SMARCA4: variants seen among roughly 807,000 people sequenced by gnomAD.
SMARCA4 encodes the protein SWI/SNF related BAF chromatin remodeling complex subunit ATPase 4, also known as SWI/SNF-related matrix-associated actin-dependent regulator of chromatin subfamily A member 4.
A neutral mutation model predicts 193.9 loss-of-function variants in SMARCA4; 31 were observed. That is an observed-to-expected ratio of 0.16 (90% CI 0.12 to 0.22). The LOEUF is 0.22. SMARCA4 is among the 10% of genes least tolerant of loss of function. The probability of loss-of-function intolerance (pLI) is 1.00; values close to 1 mark genes in which losing one functional copy is unlikely to be tolerated. For synonymous variants in SMARCA4, 942 were observed against 933.1 expected (o/e 1.01, Z -0.17); for missense variants, 1,148 against 2,296.0 (o/e 0.50, Z 10.22).
At chr19:11,013,222 AT>A in intron 16 of SMARCA4, 110 bp downstream of exon 16, 1 of 1,311,254 alleles carries the variant, frequency 7.6e-7, no homozygotes, top group Non-Finnish European at 1.1e-6. Context: ...AATTACAGAA[AT>A]TTGTTTTCCT....
intron 30 of SMARCA4, among the ~76,000 whole-genome samples, chr19:11,043,008 T>A (rs1241217358): frequency 6.6e-6 from 1 of 151,472 alleles, no homozygotes; most frequent in Non-Finnish European, 1.5e-5. Context: ...AAGGTTCTTT[T>A]AGCCAGATGC....
chr19:10,962,383 G>C (rs1423013358), intron 1 of SMARCA4, among the ~76,000 whole-genome samples: 1 of 152,106 alleles, frequency 6.6e-6, no homozygotes, highest in Non-Finnish European at 1.5e-5. Flanking sequence ...TCTTGGAGGG[G>C]AGCGGGTGGT....
chr19:11,019,380 T>C lies in SMARCA4; in HGVS notation c.2506-211T>C, dbSNP rs2146367986. ...CCTCAGGCCCCGGCCGCCGCTGGCC[T>C]GCACTGCTTCCTCTTCCCCCTGCAG... On this transcript the variant is annotated intron_variant, in intron 17 of 34. Coordinates refer to ENST00000344626, the MANE Select transcript of SMARCA4 (RefSeq NM_003072.5). This position sits in a 1 kb window ranked among gnomAD's most constrained non-coding sequence, Gnocchi z 6.1. The C allele has an allele frequency of 4.9e-6, 3 of 617,184 alleles. No individual in the cohort carries two copies. Among genetic ancestry groups the C allele is most frequent in the Non-Finnish European group, 8.7e-6 (3 of 343,914 alleles). 38.2% of individuals were successfully genotyped at this position (617,184 alleles called of 1,614,324 possible). A position where few individuals can be genotyped will look rare whatever the true frequency, so the allele number is the denominator to read the frequency against.
At chr19:10,974,462 T>C (rs1320388645) in intron 1 of SMARCA4, among the ~76,000 whole-genome samples, 1 of 151,182 alleles carries the variant, frequency 6.6e-6, no homozygotes, top group East Asian at 1.9e-4. Flanking sequence ...GGCTTTTTTT[T>C]TTTTTCTTGG....
chr19:10,996,648 T>G, intron 11 of SMARCA4, 104 bp downstream of exon 11: 1 of 1,101,930 alleles, frequency 9.1e-7, no homozygotes, highest in Non-Finnish European at 1.4e-6. Context: ...AACAATGATA[T>G]GTGATGATGG....
intron 1 of SMARCA4, among the ~76,000 whole-genome samples, chr19:10,963,494 A>G (rs1599770451): frequency 6.6e-6 from 1 of 152,006 alleles, no homozygotes; most frequent in Admixed American, 6.6e-5. Flanking sequence ...CCTGAACCTC[A>G]GTTGTCCTCA....
In SMARCA4 at chr19:11,059,876, G is replaced by A. The variant is rs1568564931; in HGVS notation, c.4759G>A (p.Glu1587Lys). 1 of 1,613,894 alleles carries A rather than the reference G, an allele frequency of 6.2e-7. No homozygotes were observed. Among genetic ancestry groups the A allele is most frequent in the Non-Finnish European group, 8.5e-7 (1 of 1,180,000 alleles). ...GGAAGAGGGCGAGGAGGAAGGCTCC[G>A]AATCCGAATGTGAGTCCCGGGGGGG... is the stretch of plus-strand genomic sequence containing the variant. ...EEEEGEEEGS[E>K]SESRSVKVKI... The change falls in exon 33 of 35, where the codon GAA becomes AAA. Residue 1587 changes from glutamate to lysine, a missense_variant. Transcript: ENST00000344626.
At chr19:10,963,162 C>T (rs1332377084) in intron 1 of SMARCA4, among the ~76,000 whole-genome samples, 1 of 151,698 alleles carries the variant, frequency 6.6e-6, no homozygotes, top group Non-Finnish European at 1.5e-5. Flanking sequence ...TGCTTGAACC[C>T]GGGAGTTTGA....
At position 11,030,246 on chromosome 19, in the gene SMARCA4, TGAGACAGGGCTGAAGGCAGGTGCACC is replaced by T. The variant is rs1162681340; in HGVS notation, c.3383-483_3383-458del. 6.6e-6 allele frequency among the ~76,000 whole-genome samples: 1 copy of T among 152,212 alleles called. No individual in the cohort carries two copies. The highest frequency in any genetic ancestry group is 1.5e-5 in the Non-Finnish European group (1 of 68,040). On this transcript the variant is annotated intron_variant, in intron 24 of 34. Coordinates refer to ENST00000344626, the MANE Select transcript of SMARCA4 (RefSeq NM_003072.5). The surrounding 1 kb of genome is among the most constrained non-coding windows in gnomAD (Gnocchi z 5.5). ...TCTCTTTGTGAACCACAAAACTTTTTGAGACAGGGCTGAAGGCAGGTGCACCCACAGTCACTGTCCACCCACCCCCA... is the reference window on the plus strand; with the variant it reads ...TCTCTTTGTGAACCACAAAACTTTTTCACAGTCACTGTCCACCCACCCCCA...
At chr19:10,979,815 T>C (rs751242452) in intron 1 of SMARCA4, among the ~76,000 whole-genome samples, 17 of 152,110 alleles carry the variant, frequency 1.1e-4, no homozygotes, top group Non-Finnish European at 1.9e-4. Context: ...ATAGTCAAAA[T>C]AGTGGTTTCC....
chr19:10,972,744 G>A (rs777018802), intron 1 of SMARCA4, among the ~76,000 whole-genome samples: 9 of 152,158 alleles, frequency 5.9e-5, no homozygotes, highest in Non-Finnish European at 1.3e-4. Context: ...TCAGTGTTGC[G>A]TATATAGCTG....
At chr19:10,993,480 C>T (rs369498291) in intron 8 of SMARCA4, among the ~76,000 whole-genome samples, 26 of 152,142 alleles carry the variant, frequency 1.7e-4, no homozygotes, top group African/African-American at 5.8e-4. Flanking sequence ...GAGCTGGTCT[C>T]TGATATTTCC....
Position 11,026,336 on chromosome 19 carries a change from A to G in SMARCA4, c.3205A>G (p.Ile1069Val), listed in dbSNP as rs1555781098. 1 of 1,613,760 alleles carries G rather than the reference A, an allele frequency of 6.2e-7. No homozygotes were observed. Among genetic ancestry groups the G allele is most frequent in the East Asian group, 2.2e-5 (1 of 44,870 alleles). ...FSEHLGFTGG[I>V]VQGLDLYRAS... is the part of the protein sequence containing the mutation. ...CGAGCACTTGGGGTTCACTGGCGGC[A>G]TTGTCCAAGGGTGAGAAGCTTCCCA... The change falls in exon 23 of 35, where the codon ATT becomes GTT. Residue 1069 changes from isoleucine (I) to valine (V), a missense_variant. Physicochemically the swap from Ile to Val is conservative, Grantham distance 29. Around this residue, in one of 17 missense-constraint regions of SMARCA4, gnomAD observed 74 missense variants for 392.3 expected, o/e 0.19. Transcript: ENST00000344626.
intron 13 of SMARCA4, among the ~76,000 whole-genome samples, chr19:11,004,941 G>A (rs1040525477): frequency 2.0e-5 from 3 of 151,986 alleles, no homozygotes; most frequent in Non-Finnish European, 2.9e-5. Flanking sequence ...CCGGGTTCAA[G>A]TGATTCTCCT....
At chr19:11,016,235 CCAGTA>C (rs1010660666) in intron 16 of SMARCA4, among the ~76,000 whole-genome samples, 24 of 152,116 alleles carry the variant, frequency 1.6e-4, no homozygotes, top group South Asian at 8.3e-4. Flanking sequence ...TCCCCCATCC[CCAGTA>C]CAGTACAGGC....
chr19:11,041,220 C>A lies in SMARCA4; in HGVS notation c.4171-87C>A, dbSNP rs2146807794. ...CGGGTGCGGGGGCCCTCCTCCGTGTCCCAGCCCGGCCCCTGGGATTGCGTC... is the reference window on the plus strand; with the variant it reads ...CGGGTGCGGGGGCCCTCCTCCGTGTACCAGCCCGGCCCCTGGGATTGCGTC... On this transcript the variant is annotated intron_variant, in intron 29 of 34. Coordinates refer to ENST00000344626, the MANE Select transcript of SMARCA4 (RefSeq NM_003072.5). This position sits in a 1 kb window ranked among gnomAD's most constrained non-coding sequence, Gnocchi z 5.6. 1 of 1,460,886 alleles carries A rather than the reference C, an allele frequency of 6.8e-7. No homozygotes were observed. The allele number at this position is 1,460,886 out of a possible 1,614,324, so 90.5% of individuals were successfully genotyped here. A position where few individuals can be genotyped will look rare whatever the true frequency, so the allele number is the denominator to read the frequency against.
intron 16 of SMARCA4, among the ~76,000 whole-genome samples, chr19:11,016,305 C>G (rs1475611701): frequency 1.3e-5 from 2 of 152,176 alleles, no homozygotes; most frequent in African/African-American, 4.8e-5. Flanking sequence ...GACACAGATG[C>G]CTCCCACCAG....
Position 11,033,586 on chromosome 19 carries a change from GT to G in SMARCA4, c.3774+76del. ...GGACGCGTGAGCGGCTTTCATTTTT[GT>G]TTTTTTACCTTTTTTGCACTCTTAT... On this transcript the variant is annotated intron_variant, in intron 26 of 34. Coordinates refer to ENST00000344626, the MANE Select transcript of SMARCA4 (RefSeq NM_003072.5). This position sits in a 1 kb window ranked among gnomAD's most constrained non-coding sequence, Gnocchi z 9.8. The G allele has an allele frequency of 7.8e-7, 1 of 1,284,352 alleles. No homozygotes were observed. Among genetic ancestry groups the G allele is most frequent in the Non-Finnish European group, 1.1e-6 (1 of 881,968 alleles). 79.6% of individuals were successfully genotyped at this position (1,284,352 alleles called of 1,614,324 possible). A position where few individuals can be genotyped will look rare whatever the true frequency, so the allele number is the denominator to read the frequency against.
At chr19:10,976,591 A>G (rs908402849) in intron 1 of SMARCA4, among the ~76,000 whole-genome samples, 3 of 145,132 alleles carry the variant, frequency 2.1e-5, no homozygotes, top group South Asian at 2.2e-4. Context: ...CCTCATTTCT[A>G]TAAAGAAATA....
Sources: allele counts gnomAD v4.1 joint callset (sites outside exome capture counted in the v4.1 genomes callset), GRCh38; gene constraint gnomAD v4.1.1; regional missense constraint gnomAD v4.1.1; non-coding constraint Gnocchi (gnomAD v3.1); transcripts MANE v1.5; gene names NCBI Gene and HGNC (gene_info 2026-07-23, HGNC 2026-07-21).